The following PRKCI variants were observed in gnomAD, a reference collection of about 807,000 sequenced individuals.
PRKCI encodes the protein protein kinase C iota type.
PRKCI carries 43 observed loss-of-function variants against 84.0 expected under a neutral mutation model. The observed-to-expected ratio is 0.51, with a 90% CI of 0.40 to 0.66. PRKCI has a LOEUF of 0.66. PRKCI is among the 30% of genes least tolerant of loss of function. PRKCI has a pLI of 0.00. For missense variants in PRKCI, 459 were observed against 745.6 expected, an observed-to-expected ratio of 0.62 and a Z score of 4.48; for synonymous variants, 216 against 234.4, an observed-to-expected ratio of 0.92 and a Z score of 0.72.
chr3:170,266,622 A>C (rs1733861136), intron 4 of PRKCI, among the ~76,000 whole-genome samples: 1 of 152,136 alleles, frequency 6.6e-6, no homozygotes. Context: ...TTAAAATGTT[A>C]AGGAGACCAA....
rs983992175 is a variant in PRKCI, at chr3:170,270,621, A to G, written c.591+60A>G. The G allele has an allele frequency of 4.3e-5, 65 of 1,504,064 alleles. No homozygotes were observed. The African/African-American group carries it at 6.6e-4, about 15-fold the overall frequency. 93.2% of individuals were successfully genotyped at this position (1,504,064 alleles called of 1,614,324 possible). On this transcript the variant is annotated intron_variant, in intron 6 of 17. Transcript: ENST00000295797. ...TAAGAGCGTGCTTGATAACACTGCT[A>G]TAACAGAGTGCTAAAATAGGGAGGT...
Position 170,304,261 on chromosome 3 carries a change from T to C in PRKCI, c.*1134T>C, listed in dbSNP as rs1293513232. On this transcript the variant is annotated 3_prime_UTR_variant, in exon 18 of 18. Coordinates refer to ENST00000295797, the MANE Select transcript of PRKCI (RefSeq NM_002740.6). ...GAAATTTAAAATAGATACAGAAAAG[T>C]ACACTGGTAATATTTTTATTTCCTA... is the stretch of plus-strand genomic sequence containing the variant. The C allele has an allele frequency of 6.6e-6, 1 of 152,150 alleles. No homozygotes were observed. The highest frequency in any genetic ancestry group is 6.5e-5 in the Admixed American group (1 of 15,268). The allele number at this position is 152,150 out of a possible 1,614,324, so 9.4% of individuals were successfully genotyped here. A position where few individuals can be genotyped will look rare whatever the true frequency, so the allele number is the denominator to read the frequency against.
intron 1 of PRKCI, among the ~76,000 whole-genome samples, chr3:170,224,771 G>A (rs1258022271): frequency 6.6e-6 from 1 of 152,134 alleles, no homozygotes; most frequent in South Asian, 2.1e-4. Flanking sequence ...TGATGCGCTC[G>A]TCTTGGCTTC....
At chr3:170,255,427 A>G (rs1733562341) in intron 2 of PRKCI, among the ~76,000 whole-genome samples, 1 of 152,024 alleles carries the variant, frequency 6.6e-6, no homozygotes, top group South Asian at 2.1e-4. Context: ...CTGTAAATGG[A>G]ATTACTTTTT....
At chr3:170,263,839 G>A (rs925005996) in intron 4 of PRKCI, among the ~76,000 whole-genome samples, 1 of 151,992 alleles carries the variant, frequency 6.6e-6, no homozygotes, top group African/African-American at 2.4e-5. Context: ...TAATTCATTT[G>A]ATTTCTTTTC....
intron 12 of PRKCI, among the ~76,000 whole-genome samples, chr3:170,290,792 C>T (rs1435745935): frequency 6.6e-6 from 1 of 151,898 alleles, no homozygotes; most frequent in Admixed American, 6.6e-5. Flanking sequence ...TGGGTAGTTC[C>T]TTTACTCTGC....
At chr3:170,290,128 AATTTTGT>A (rs1734508831) in intron 12 of PRKCI, among the ~76,000 whole-genome samples, 1 of 151,776 alleles carries the variant, frequency 6.6e-6, no homozygotes, top group African/African-American at 2.4e-5. Flanking sequence ...TTTGGTTTAG[AATTTTGT>A]ACCGTATAAT....
intron 2 of PRKCI, among the ~76,000 whole-genome samples, chr3:170,255,614 G>A (rs543543617): frequency 1.3e-5 from 2 of 152,172 alleles, no homozygotes; most frequent in African/African-American, 4.8e-5. Flanking sequence ...AGGATAATTT[G>A]ACTTCTTCTT....
At chr3:170,234,431 C>G (rs1732890475) in intron 1 of PRKCI, among the ~76,000 whole-genome samples, 1 of 152,080 alleles carries the variant, frequency 6.6e-6, no homozygotes, top group Admixed American at 6.5e-5. Flanking sequence ...TATGAAAAAG[C>G]CTTGTTGTTT....
At chr3:170,286,101 A>AT (rs1293562145) in intron 12 of PRKCI, among the ~76,000 whole-genome samples, 2 of 151,254 alleles carry the variant, frequency 1.3e-5, no homozygotes, top group Middle Eastern at 3.4e-3. Context: ...ATTTTTTTGT[A>AT]TTTTTAGTAG....
At chr3:170,278,903 G>A (rs1734180242) in intron 8 of PRKCI, among the ~76,000 whole-genome samples, 1 of 152,160 alleles carries the variant, frequency 6.6e-6, no homozygotes, top group Non-Finnish European at 1.5e-5. Context: ...AACACACCAA[G>A]CCATTCATGA....
intron 1 of PRKCI, among the ~76,000 whole-genome samples, chr3:170,228,210 A>C (rs1732685565): frequency 6.6e-6 from 1 of 152,244 alleles, no homozygotes; most frequent in African/African-American, 2.4e-5. Flanking sequence ...CTATGTAGGA[A>C]TGTGGCTGAG....
At chr3:170,292,305 A>G (rs189140647) in intron 13 of PRKCI, among the ~76,000 whole-genome samples, 4 of 152,242 alleles carry the variant, frequency 2.6e-5, no homozygotes, top group Admixed American at 1.3e-4. Context: ...AGTTTAAATA[A>G]CTCGCCTAAG....
At chr3:170,235,724 C>T (rs1226603899) in intron 2 of PRKCI, among the ~76,000 whole-genome samples, 2 of 152,016 alleles carry the variant, frequency 1.3e-5, no homozygotes, top group Non-Finnish European at 2.9e-5. Flanking sequence ...CACCACCATG[C>T]CCGGCTAATT....
At chr3:170,228,014 C>T (rs749233442) in intron 1 of PRKCI, among the ~76,000 whole-genome samples, 4 of 151,994 alleles carry the variant, frequency 2.6e-5, no homozygotes, top group South Asian at 2.1e-4. Context: ...ATAGGTTTCT[C>T]GTTTAAGAGA....
intron 10 of PRKCI, 50 bp downstream of exon 10, chr3:170,281,313 A>G: frequency 6.8e-7 from 1 of 1,479,144 alleles, no homozygotes; most frequent in Non-Finnish European, 9.4e-7. Flanking sequence ...ATTTTTGGTC[A>G]TATTACACAG....
Position 170,303,406 on chromosome 3 carries a change from T to TAA in PRKCI, c.*279_*280insAA. 4.2e-6 allele frequency: 1 copy of TAA among 237,314 alleles called. No homozygotes were observed. The highest frequency in any genetic ancestry group is 7.3e-6 in the Non-Finnish European group (1 of 136,756). 14.7% of individuals were successfully genotyped at this position (237,314 alleles called of 1,614,324 possible). A position where few individuals can be genotyped will look rare whatever the true frequency, so the allele number is the denominator to read the frequency against. On this transcript the variant is annotated 3_prime_UTR_variant, in exon 18 of 18. Transcript: ENST00000295797. ...TGAGTAATGAAGTTATCTTTTTTGT[T>TAA]TAAAAAAAAAAAAAACACTGCATTA...
intron 5 of PRKCI, among the ~76,000 whole-genome samples, chr3:170,268,708 AC>A (rs1733925426): frequency 2.0e-5 from 3 of 152,194 alleles, no homozygotes; most frequent in African/African-American, 7.2e-5. Context: ...CGTACCAGGC[AC>A]TTTTCCAAAT....
chr3:170,295,693 A>AT (rs1469836363), intron 14 of PRKCI, among the ~76,000 whole-genome samples: 1 of 151,638 alleles, frequency 6.6e-6, no homozygotes, highest in African/African-American at 2.4e-5. Flanking sequence ...AAAAAAAAAA[A>AT]AATTTAGCCG....
Sources: gnomAD v4.1 joint callset for allele counts (sites outside exome capture counted in the v4.1 genomes callset) on GRCh38, gnomAD v4.1.1 for gene constraint, MANE v1.5 for transcripts, NCBI Gene and HGNC (gene_info 2026-07-23, HGNC 2026-07-21) for gene names.